DPH6: variants seen among roughly 807,000 people sequenced by gnomAD.
DPH6 encodes diphthamine biosynthesis 6.
Under a neutral mutation model 38.2 loss-of-function variants are expected in DPH6, and 33 were observed. The ratio of observed to expected loss-of-function variants is 0.86; its 90% confidence interval spans 0.65 to 1.15. The LOEUF is 1.15. Ranked by LOEUF, DPH6 falls within the 50% of genes most tolerant of loss-of-function variation. The pLI is 0.00. For synonymous variants in DPH6, 108 were observed against 103.0 expected (o/e 1.05, Z -0.30); for missense variants, 325 against 320.0 (o/e 1.02, Z -0.12).
intron 1 of DPH6, among the ~76,000 whole-genome samples, chr15:35,542,897 A>G (rs2055276670): frequency 7.5e-6 from 1 of 133,706 alleles, no homozygotes; most frequent in Admixed American, 8.1e-5. Flanking sequence ...AATAATATAT[A>G]TTATTCCACT....
At chr15:35,507,634 A>G (rs2054712293) in intron 3 of DPH6, among the ~76,000 whole-genome samples, 1 of 152,162 alleles carries the variant, frequency 6.6e-6, no homozygotes, top group South Asian at 2.1e-4. Flanking sequence ...AATACAGTAC[A>G]ATTCTGAACT....
At chr15:35,379,371 T>C (rs2052831999) in intron 7 of DPH6, among the ~76,000 whole-genome samples, 1 of 152,250 alleles carries the variant, frequency 6.6e-6, no homozygotes, top group Non-Finnish European at 1.5e-5. Flanking sequence ...ATTAGTTGCG[T>C]GCTAATAGTG....
chr15:35,396,191 T>C (rs2053129543), intron 6 of DPH6: 1 of 150,368 alleles, frequency 6.7e-6, no homozygotes, highest in South Asian at 2.1e-4. Context: ...CTTCAAAATC[T>C]CTCACAATAT....
chr15:35,488,094 C>T (rs1186300119), intron 3 of DPH6, among the ~76,000 whole-genome samples: 5 of 152,168 alleles, frequency 3.3e-5, no homozygotes, highest in Non-Finnish European at 5.9e-5. Context: ...CTCATCTCCA[C>T]CTGAGACCAC....
chr15:35,434,472 T>C (rs2053671224), intron 5 of DPH6, among the ~76,000 whole-genome samples: 1 of 151,936 alleles, frequency 6.6e-6, no homozygotes, highest in Non-Finnish European at 1.5e-5. Context: ...ATAAAATAAG[T>C]AGAAAAATTA....
chr15:35,392,892 A>G (rs1284097576), intron 6 of DPH6, among the ~76,000 whole-genome samples: 1 of 152,222 alleles, frequency 6.6e-6, no homozygotes, highest in Non-Finnish European at 1.5e-5. Flanking sequence ...GCATGTGTTA[A>G]ATCCCAGAGC....
the DPH6 span, among the ~76,000 whole-genome samples, chr15:35,152,001 T>A: frequency 6.6e-6 from 1 of 152,174 alleles, no homozygotes; most frequent in South Asian, 2.1e-4. Context: ...TCATAAAAAA[T>A]TGGGTAAATA....
chr15:35,545,229 T>A (rs1301658257), intron 1 of DPH6, among the ~76,000 whole-genome samples: 1 of 152,246 alleles, frequency 6.6e-6, no homozygotes, highest in East Asian at 1.9e-4. Context: ...ATGAAACAAG[T>A]ATTTAAGTAG....
intron 6 of DPH6, among the ~76,000 whole-genome samples, chr15:35,382,171 C>T (rs985334127): frequency 1.3e-5 from 2 of 152,192 alleles, no homozygotes; most frequent in Non-Finnish European, 1.5e-5. Flanking sequence ...CGCGTTGGCT[C>T]ACGCCTGTAA....
the DPH6 span, among the ~76,000 whole-genome samples, chr15:35,158,757 G>A: frequency 0.02 from 3,006 of 152,070 alleles, 94 homozygotes; most frequent in African/African-American, 0.066. Flanking sequence ...TAGGGAAATT[G>A]GTTTTAGCAA....
At chr15:35,350,702 T>G (rs2052503424) in intron 3 of DPH6, among the ~76,000 whole-genome samples, 1 of 152,190 alleles carries the variant, frequency 6.6e-6, no homozygotes, top group African/African-American at 2.4e-5. Context: ...CATTCATCAT[T>G]CAAGAGTGTA....
intron 3 of DPH6, among the ~76,000 whole-genome samples, chr15:35,310,594 C>G (rs1047177444): frequency 6.6e-6 from 1 of 152,030 alleles, no homozygotes; most frequent in Non-Finnish European, 1.5e-5. Context: ...ATATGAATGC[C>G]TTTTAGAACT....
intron 3 of DPH6, among the ~76,000 whole-genome samples, chr15:35,471,801 A>C (rs941921509): frequency 6.6e-6 from 1 of 150,754 alleles, no homozygotes; most frequent in African/African-American, 2.5e-5. Context: ...TACTCTGTAC[A>C]TTTCTTGATA....
At chr15:35,524,864 C>T (rs992018729) in intron 3 of DPH6, among the ~76,000 whole-genome samples, 1 of 152,070 alleles carries the variant, frequency 6.6e-6, no homozygotes, top group Non-Finnish European at 1.5e-5. Context: ...GCAATAAAAA[C>T]TATCAAATAG....
At chr15:35,504,476 T>C (rs2054667925) in intron 3 of DPH6, among the ~76,000 whole-genome samples, 1 of 151,936 alleles carries the variant, frequency 6.6e-6, no homozygotes, top group East Asian at 1.9e-4. Context: ...TTCTGTATTT[T>C]CACAACATTT....
chr15:35,376,310 A>C (rs2052779890), intron 7 of DPH6, among the ~76,000 whole-genome samples: 1 of 152,132 alleles, frequency 6.6e-6, no homozygotes, highest in Admixed American at 6.6e-5. Flanking sequence ...ATTACACACT[A>C]ATTAGTGAAA....
intron 3 of DPH6, among the ~76,000 whole-genome samples, chr15:35,297,001 G>A (rs1266668436): frequency 6.6e-6 from 1 of 152,028 alleles, no homozygotes; most frequent in Non-Finnish European, 1.5e-5. Flanking sequence ...ATAGCCTGAT[G>A]AGCCCATATG....
intron 5 of DPH6, among the ~76,000 whole-genome samples, chr15:35,430,476 T>A (rs567406829): frequency 6.6e-6 from 1 of 151,766 alleles, no homozygotes; most frequent in South Asian, 2.1e-4. Context: ...TTACATCTAA[T>A]GACTCCTGCC....
At chr15:35,361,624 C>G (rs940325463) in intron 3 of DPH6, among the ~76,000 whole-genome samples, 1 of 148,076 alleles carries the variant, frequency 6.8e-6, no homozygotes, top group African/African-American at 2.5e-5. Flanking sequence ...TTCTTTTTTT[C>G]TCCCTTTTTT....
Sources: gnomAD v4.1 joint callset for allele counts (sites outside exome capture counted in the v4.1 genomes callset) on GRCh38, gnomAD v4.1.1 for gene constraint, MANE v1.5 for transcripts, NCBI Gene and HGNC (gene_info 2026-07-23, HGNC 2026-07-21) for gene names.